The following TUSC3 variants were observed in gnomAD, a reference collection of about 807,000 sequenced individuals.
The protein encoded by TUSC3 is dolichyl-diphosphooligosaccharide--protein glycosyltransferase subunit TUSC3.
TUSC3 carries 45 observed loss-of-function variants against 44.8 expected under a neutral mutation model. The ratio of observed to expected loss-of-function variants is 1.00; its 90% CI spans 0.79 to 1.29. The LOEUF is 1.29. Among genes scored for constraint, TUSC3 ranks in the 50% most tolerant of loss-of-function variants. TUSC3 has a pLI of 0.00. For missense variants in TUSC3, 519 were observed against 437.9 expected (o/e 1.19, Z -1.65); for synonymous variants, 212 against 152.9 (o/e 1.39, Z -2.85).
rs191297365 is a variant in TUSC3 at position 15,667,523 on chromosome 8, A to T, written c.708+5227A>T. ...TAACTTGAAAACATTTTTATATTTT[A>T]AAAACATGGAATATACAAAGGATTG... is the stretch of plus-strand genomic sequence containing the variant. On this transcript the variant is annotated intron_variant, in intron 5 of 10. Coordinates refer to ENST00000503731, the MANE Select transcript of TUSC3 (RefSeq NM_006765.4). 1.7e-4 allele frequency among the ~76,000 whole-genome samples: 26 copies of T among 151,860 alleles called. No individual in the cohort carries two copies. In the East Asian group the frequency reaches 3.9e-3, roughly 23 times the overall value.
the TUSC3 span, among the ~76,000 whole-genome samples, chr8:15,839,691 C>T: frequency 1.3e-5 from 2 of 152,254 alleles, no homozygotes; most frequent in South Asian, 4.1e-4. Flanking sequence ...CATCTCACAC[C>T]AGTTAGAATG....
intron 6 of TUSC3, among the ~76,000 whole-genome samples, chr8:15,708,880 T>G (rs1809725001): frequency 6.6e-6 from 1 of 151,874 alleles, no homozygotes; most frequent in African/African-American, 2.4e-5. Flanking sequence ...AATTTCAGAT[T>G]AGGAAAAGAT....
chr8:15,474,401 A>G (rs1800547155), intron 1 of TUSC3, among the ~76,000 whole-genome samples: 2 of 152,206 alleles, frequency 1.3e-5, no homozygotes, highest in South Asian at 2.1e-4. Context: ...GTAAGAAATT[A>G]TAAGAGTATT....
intron 1 of TUSC3, among the ~76,000 whole-genome samples, chr8:15,607,765 A>G (rs956913860): frequency 1.3e-5 from 2 of 152,160 alleles, no homozygotes; most frequent in Non-Finnish European, 2.9e-5. Context: ...AACATGAACT[A>G]TTGTTTTAAG....
chr8:15,468,527 A>G (rs970449856), intron 1 of TUSC3, among the ~76,000 whole-genome samples: 12 of 152,144 alleles, frequency 7.9e-5, no homozygotes, highest in African/African-American at 2.9e-4. Context: ...TCACTCTGTC[A>G]AATTAGCATG....
intron 1 of TUSC3, among the ~76,000 whole-genome samples, chr8:15,582,197 C>A (rs561932616): frequency 1.3e-5 from 2 of 152,306 alleles, no homozygotes; most frequent in South Asian, 4.1e-4. Flanking sequence ...CACTGGCCTG[C>A]GCCCACTGTC....
At chr8:15,574,355 G>A (rs933574062) in intron 1 of TUSC3, among the ~76,000 whole-genome samples, 2 of 152,122 alleles carry the variant, frequency 1.3e-5, no homozygotes, top group African/African-American at 4.8e-5. Flanking sequence ...AAGTTGTACA[G>A]ATTATGGAGT....
At chr8:15,791,823 C>T in the TUSC3 span, among the ~76,000 whole-genome samples, 4 of 152,108 alleles carry the variant, frequency 2.6e-5, no homozygotes, top group South Asian at 2.1e-4. Context: ...AATAAGTACA[C>T]GCTCTTTCAC....
chr8:15,832,905 T>G, the TUSC3 span, among the ~76,000 whole-genome samples: 1 of 151,922 alleles, frequency 6.6e-6, no homozygotes, highest in African/African-American at 2.4e-5. Context: ...TATCCCAGAT[T>G]GGAACTCATC....
chr8:15,482,146 G>C (rs894744147), intron 1 of TUSC3, among the ~76,000 whole-genome samples: 2 of 152,114 alleles, frequency 1.3e-5, no homozygotes, highest in South Asian at 2.1e-4. Context: ...CTCCTTATCT[G>C]TTTAAGTTTT....
At chr8:15,632,554 CAG>C (rs1805819369) in intron 2 of TUSC3, among the ~76,000 whole-genome samples, 2 of 152,214 alleles carry the variant, frequency 1.3e-5, no homozygotes, top group East Asian at 3.9e-4. Context: ...AGGAAGGAAA[CAG>C]GGAGATCAAT....
At chr8:15,523,708 G>GTATATATATATATATATATATATA (rs71211051) in intron 2 of TUSC3, among the ~76,000 whole-genome samples, 59 of 112,444 alleles carry the variant, frequency 5.2e-4, no homozygotes, top group African/African-American at 2.2e-3. Flanking sequence ...GTGTGTGTGT[G>GTATATATATATATATATATATATA]TATATATATA....
chr8:15,445,994 C>T (rs551916133), intron 1 of TUSC3, among the ~76,000 whole-genome samples: 1 of 151,840 alleles, frequency 6.6e-6, no homozygotes, highest in African/African-American at 2.4e-5. Context: ...GGCGGAGACG[C>T]TCCTCACTTC....
chr8:15,562,191 C>A (rs774514752), intron 1 of TUSC3, among the ~76,000 whole-genome samples: 1 of 152,080 alleles, frequency 6.6e-6, no homozygotes, highest in Non-Finnish European at 1.5e-5. Flanking sequence ...ACAATTACTG[C>A]GTGAGGTTGA....
intron 1 of TUSC3, among the ~76,000 whole-genome samples, chr8:15,455,070 G>A (rs1266255688): frequency 2.6e-5 from 4 of 152,078 alleles, no homozygotes; most frequent in Non-Finnish European, 5.9e-5. Context: ...ACTTTGACCT[G>A]GGCCAGGAGC....
intron 6 of TUSC3, among the ~76,000 whole-genome samples, chr8:15,722,737 A>T (rs1264311990): frequency 6.6e-6 from 1 of 151,972 alleles, no homozygotes; most frequent in African/African-American, 2.4e-5. Flanking sequence ...CCAATGGAAA[A>T]TTTTTGTTAA....
Position 15,627,857 on chromosome 8 carries a change from C to A in TUSC3, c.308+4608C>A, listed in dbSNP as rs902252552. Among the ~76,000 whole-genome samples, 5 of 152,204 alleles carry A rather than the reference C, an allele frequency of 3.3e-5. 1 individual carries two copies. The highest frequency in any genetic ancestry group is 1.2e-4 in the African/African-American group (5 of 41,440). On this transcript the variant is annotated intron_variant, in intron 2 of 10. Transcript: ENST00000503731. ...CTGTTCCTGGTGTACCGTTGGCAGG[C>A]ATGGGATCCTGGCCGGTAGCGGGAG...
At chr8:15,838,995 G>T in the TUSC3 span, among the ~76,000 whole-genome samples, 11 of 152,232 alleles carry the variant, frequency 7.2e-5, no homozygotes, top group South Asian at 1.9e-3. Flanking sequence ...CATGAACATG[G>T]AATGTTCTTC....
At chr8:15,804,409 G>A in the TUSC3 span, among the ~76,000 whole-genome samples, 1 of 152,104 alleles carries the variant, frequency 6.6e-6, no homozygotes, top group Admixed American at 6.6e-5. Context: ...TCTTAAGGCT[G>A]ATGTCCTGAC....
Sources: allele counts gnomAD v4.1 joint callset (sites outside exome capture counted in the v4.1 genomes callset), GRCh38; gene constraint gnomAD v4.1.1; transcripts MANE v1.5; gene names NCBI Gene and HGNC (gene_info 2026-07-23, HGNC 2026-07-21).